CBFA2T3: variants seen among roughly 807,000 people sequenced by gnomAD.
CBFA2T3 encodes the protein CBFA2/RUNX1 partner transcriptional co-repressor 3.
CBFA2T3 carries 31 observed loss-of-function variants against 58.6 expected under a neutral mutation model. The ratio of observed to expected loss-of-function variants is 0.53; its 90% CI spans 0.40 to 0.71. CBFA2T3 has a LOEUF of 0.71. Among genes scored for constraint, CBFA2T3 ranks in the 30% least tolerant of loss-of-function variants. The pLI is 0.00. For synonymous variants in CBFA2T3, 531 were observed against 421.9 expected (o/e 1.26, Z -3.17); for missense variants, 1,076 against 963.1 (o/e 1.12, Z -1.55).
At chr16:88,909,614 G>C (rs146472316) in intron 1 of CBFA2T3, among the ~76,000 whole-genome samples, 1,724 of 83,040 alleles carry the variant, frequency 0.021, 38 homozygotes, top group African/African-American at 0.071. Flanking sequence ...GCTTTAAACA[G>C]CTGTTTATTT....
chr16:88,900,220 T>A (rs1412394505), intron 2 of CBFA2T3, among the ~76,000 whole-genome samples: 1 of 152,234 alleles, frequency 6.6e-6, no homozygotes, highest in Non-Finnish European at 1.5e-5. Context: ...GCCGGGCACA[T>A]TTCCAGCTGT....
intron 1 of CBFA2T3, among the ~76,000 whole-genome samples, chr16:88,928,286 A>G (rs945127120): frequency 7.9e-5 from 12 of 152,122 alleles, no homozygotes; most frequent in African/African-American, 2.9e-4. Context: ...CGTTTCTGGG[A>G]TCCTGTGGTT....
In CBFA2T3 at chr16:88,885,995, C is replaced by T. The variant is rs1254974114; in HGVS notation, c.859G>A (p.Val287Ile). ...GTCCTCCTCTTGCCGTTCTCGTTGA[C>T]TTCCAGTAGCAGCTCTGAGGAGTCG... is the stretch of plus-strand genomic sequence containing the variant. ...PIDSSELLLE[V>I]NENGKRRTPD... is the part of the protein sequence containing the mutation. Residue 287 changes from valine (V) to isoleucine (I), a missense_variant, in exon 6 of 12, where the codon GTC (valine) becomes ATC (isoleucine). Coordinates refer to ENST00000268679, the MANE Select transcript of CBFA2T3 (RefSeq NM_005187.6). This position sits in a 1 kb window ranked among gnomAD's most constrained non-coding sequence, Gnocchi z 5.3. 2.6e-6 allele frequency: 4 copies of T among 1,555,738 alleles called. No homozygotes were observed. The highest frequency in any genetic ancestry group is 3.9e-5 in the Admixed American group (2 of 51,340).
intron 1 of CBFA2T3, among the ~76,000 whole-genome samples, chr16:88,967,734 C>T (rs1387786750): frequency 1.3e-5 from 2 of 152,070 alleles, no homozygotes; most frequent in East Asian, 3.9e-4. Context: ...CCACAGAGCA[C>T]AGGGGTGAGG....
intron 1 of CBFA2T3, among the ~76,000 whole-genome samples, chr16:88,961,271 G>A (rs750428477): frequency 9.2e-5 from 14 of 152,164 alleles, no homozygotes; most frequent in Non-Finnish European, 1.9e-4. Flanking sequence ...CCTTCTGTAG[G>A]AACTGACACA....
intron 1 of CBFA2T3, among the ~76,000 whole-genome samples, chr16:88,912,364 G>A (rs561146853): frequency 5.4e-4 from 82 of 152,356 alleles, no homozygotes; most frequent in African/African-American, 1.9e-3. Context: ...GATGGGCTGG[G>A]GGTCTCTCCG....
intron 8 of CBFA2T3, among the ~76,000 whole-genome samples, chr16:88,882,071 G>C (rs1177336144): frequency 1.3e-5 from 2 of 152,364 alleles, no homozygotes; most frequent in Admixed American, 6.5e-5. Flanking sequence ...CGCCATGAGG[G>C]TTTTAGGAAT....
intron 1 of CBFA2T3, among the ~76,000 whole-genome samples, chr16:88,917,073 A>G (rs1407847555): frequency 3.4e-5 from 5 of 146,318 alleles, no homozygotes; most frequent in Non-Finnish European, 7.5e-5. Context: ...CTCTGTCTCA[A>G]AAAAAAAAAA....
rs113149198 is a variant in CBFA2T3 at position 88,880,701 on chromosome 16, C to A, written c.1471+19G>T. 1.3e-6 allele frequency: 2 copies of A among 1,553,260 alleles called. No individual in the cohort carries two copies. Among genetic ancestry groups the A allele is most frequent in the Non-Finnish European group, 1.7e-6 (2 of 1,147,312 alleles). On this transcript the variant is annotated intron_variant, in intron 10 of 11. Coordinates refer to ENST00000268679, the MANE Select transcript of CBFA2T3 (RefSeq NM_005187.6). ...GCCTCCCACAGCTCTGCTGGCCAGG[C>A]CCCTGCACCCCCACTCACCAGCCTT...
chr16:88,964,340 G>A lies in CBFA2T3; in HGVS notation c.151+12317C>T, dbSNP rs185247681. 5.9e-5 allele frequency among the ~76,000 whole-genome samples: 9 copies of A among 152,354 alleles called. No homozygotes were observed. In the East Asian group the frequency reaches 1.7e-3, roughly 29 times the overall value. On this transcript the variant is annotated intron_variant, in intron 1 of 11. Coordinates refer to ENST00000268679, the MANE Select transcript of CBFA2T3 (RefSeq NM_005187.6). ...CAGACCCAAAGGTGTAAAAAATCAC[G>A]TTGACTTCTGGCCCTCCTGGTGTTA...
intron 1 of CBFA2T3, among the ~76,000 whole-genome samples, chr16:88,922,161 G>A (rs1360923725): frequency 6.6e-6 from 1 of 152,242 alleles, no homozygotes; most frequent in East Asian, 1.9e-4. Context: ...GGTACTTCCG[G>A]TCTAAGGGCA....
At position 88,882,892 on chromosome 16, in the gene CBFA2T3, C is replaced by G. The variant is rs931216728; in HGVS notation, c.1118-131G>C. The stretch of plus-strand genomic sequence containing the variant: ...CGCTGGGGACGATGGACAGGGTAAC[C>G]GAAGGGCTGGTTGACTTGGTGACCG... On this transcript the variant is annotated intron_variant, in intron 7 of 11. Coordinates refer to ENST00000268679, the MANE Select transcript of CBFA2T3 (RefSeq NM_005187.6). The G allele has an allele frequency of 5.1e-5, 35 of 685,370 alleles. 2 individuals are homozygous for G. In the South Asian group the frequency reaches 5.8e-4, roughly 11 times the overall value. 42.5% of individuals were successfully genotyped at this position (685,370 alleles called of 1,614,324 possible).
intron 3 of CBFA2T3, among the ~76,000 whole-genome samples, chr16:88,897,792 T>C (rs1969945277): frequency 6.6e-6 from 1 of 152,196 alleles, no homozygotes; most frequent in Non-Finnish European, 1.5e-5. Context: ...GTCAGCCCCA[T>C]TGGCCATGTT....
At chr16:88,893,508 G>A (rs1020543153) in intron 3 of CBFA2T3, among the ~76,000 whole-genome samples, 2 of 152,206 alleles carry the variant, frequency 1.3e-5, no homozygotes, top group Non-Finnish European at 2.9e-5. Flanking sequence ...CTGCTAATGG[G>A]GTTCCAGGGG....
In CBFA2T3 at chr16:88,885,443, C is replaced by T. The variant is rs566178820; in HGVS notation, c.894-174G>A. Among the ~76,000 whole-genome samples, 1 of 152,176 alleles carries T rather than the reference C, an allele frequency of 6.6e-6. No homozygotes were observed. Among genetic ancestry groups the T allele is most frequent in the South Asian group, 2.1e-4 (1 of 4,828 alleles). ...CGGGAAGCCCAGCCCGGCGCCCCCA[C>T]TCTCTGCCCCTCTGCCGGGGCCCAT... is the stretch of plus-strand genomic sequence containing the variant. On this transcript the variant is annotated intron_variant, in intron 6 of 11. Coordinates refer to ENST00000268679, the MANE Select transcript of CBFA2T3 (RefSeq NM_005187.6). The surrounding 1 kb of genome is among the most constrained non-coding windows in gnomAD (Gnocchi z 5.3).
intron 1 of CBFA2T3, among the ~76,000 whole-genome samples, chr16:88,948,740 C>T (rs1456326141): frequency 1.3e-5 from 2 of 152,214 alleles, no homozygotes; most frequent in Admixed American, 1.3e-4. Context: ...CTGAAGCTTG[C>T]CAAACCTCAG....
At chr16:88,896,241 G>C (rs1160693418) in intron 3 of CBFA2T3, among the ~76,000 whole-genome samples, 2 of 152,186 alleles carry the variant, frequency 1.3e-5, no homozygotes, top group South Asian at 2.1e-4. Flanking sequence ...CTGCAGGATT[G>C]AGACATCTCT....
chr16:88,901,584 G>C lies in CBFA2T3; in HGVS notation c.224C>G (p.Ser75Cys). The C allele has an allele frequency of 2.0e-6, 3 of 1,512,164 alleles. No homozygotes were observed. The highest frequency in any genetic ancestry group is 2.6e-6 in the Non-Finnish European group (3 of 1,142,402). 93.7% of individuals were successfully genotyped at this position (1,512,164 alleles called of 1,614,324 possible). The change falls in exon 2 of 12, where the codon TCC becomes TGC. Residue 75 changes from serine to cysteine, a missense_variant. Coordinates refer to ENST00000268679, the MANE Select transcript of CBFA2T3 (RefSeq NM_005187.6). Reference protein sequence around the residue: ...SPAEVKTQPRSTPPSMPPPPP... With the variant: ...SPAEVKTQPRCTPPSMPPPPP... ...TGGGGGCGGCATGCTGGGGGGTGTG[G>C]ACCGGGGCTGCGTCTTCACCTCCGC...
At chr16:88,900,976 T>C (rs1970073843) in intron 2 of CBFA2T3, among the ~76,000 whole-genome samples, 1 of 152,202 alleles carries the variant, frequency 6.6e-6, no homozygotes, top group African/African-American at 2.4e-5. Context: ...CTGGCCCCCG[T>C]GCTCAGCCGG....
Sources: allele counts gnomAD v4.1 joint callset (sites outside exome capture counted in the v4.1 genomes callset), GRCh38; gene constraint gnomAD v4.1.1; non-coding constraint Gnocchi (gnomAD v3.1); transcripts MANE v1.5; gene names NCBI Gene and HGNC (gene_info 2026-07-23, HGNC 2026-07-21).